The following HMGCLL1 variants were observed in gnomAD, a reference collection of about 807,000 sequenced individuals.
The protein encoded by HMGCLL1 is 3-hydroxy-3-methylglutaryl-CoA lyase like 1.
Under a neutral mutation model 39.1 loss-of-function variants are expected in HMGCLL1, and 36 were observed. The observed-to-expected ratio is 0.92, with a 90% CI of 0.71 to 1.22. The LOEUF (loss-of-function observed/expected upper bound fraction) is 1.22, where lower values mean the gene tolerates loss of function less well. Ranked by LOEUF, HMGCLL1 falls within the 50% of genes most tolerant of loss-of-function variation. The pLI, the probability that HMGCLL1 is intolerant of heterozygous loss-of-function variation, is 0.00. For synonymous variants in HMGCLL1, 149 were observed against 144.0 expected (o/e 1.03, Z -0.25); for missense variants, 451 against 416.5 (o/e 1.08, Z -0.72).
rs188793602 is a variant in HMGCLL1, at chr6:55,464,648, T to A, written c.796-25089A>T. On this transcript the variant is annotated intron_variant, in intron 7 of 8. Transcript: ENST00000274901. The stretch of plus-strand genomic sequence containing the variant: ...CTCCCAAAATTTCCTACAGGTAAAC[T>A]CAAATTCCTACCAGTTTAAGAGATT... Among the ~76,000 whole-genome samples the A allele has an allele frequency of 4.6e-5, 7 of 152,220 alleles. No homozygotes were observed. In the East Asian group the frequency reaches 1.4e-3, roughly 29 times the overall value.
At chr6:55,513,213 A>G (rs1436901780) in intron 5 of HMGCLL1, 2 of 152,160 alleles carry the variant, frequency 1.3e-5, no homozygotes, top group Non-Finnish European at 2.9e-5. Context: ...TAATCTTTCA[A>G]TACAAGTAAC....
At chr6:55,565,889 G>C (rs995654746) in intron 1 of HMGCLL1, among the ~76,000 whole-genome samples, 1 of 151,706 alleles carries the variant, frequency 6.6e-6, no homozygotes, top group Non-Finnish European at 1.5e-5. Context: ...CTAAAACCTA[G>C]GCAAGCAGAG....
intron 3 of HMGCLL1, among the ~76,000 whole-genome samples, chr6:55,523,368 G>A (rs1245527782): frequency 2.0e-5 from 3 of 151,936 alleles, no homozygotes; most frequent in Non-Finnish European, 2.9e-5. Context: ...AAGCTTTACT[G>A]GCAAATTGCT....
chr6:55,615,827 T>C, the HMGCLL1 span, among the ~76,000 whole-genome samples: 1 of 152,060 alleles, frequency 6.6e-6, no homozygotes, highest in African/African-American at 2.4e-5. Context: ...TTTGGGAAAG[T>C]TAAGCTAGAG....
At chr6:55,529,313 G>A (rs77816364) in intron 3 of HMGCLL1, among the ~76,000 whole-genome samples, 2,066 of 152,180 alleles carry the variant, frequency 0.014, 22 homozygotes, top group South Asian at 0.029. Context: ...AAGCAGAAGT[G>A]ATTTTTGAAA....
intron 1 of HMGCLL1, among the ~76,000 whole-genome samples, chr6:55,577,451 C>G (rs1472201010): frequency 6.6e-6 from 1 of 151,998 alleles, no homozygotes; most frequent in Non-Finnish European, 1.5e-5. Context: ...GCTATTATAT[C>G]TTCAGAATGG....
chr6:55,577,705 A>G (rs1353903761), intron 1 of HMGCLL1, among the ~76,000 whole-genome samples: 1 of 152,244 alleles, frequency 6.6e-6, no homozygotes, highest in Non-Finnish European at 1.5e-5. Flanking sequence ...CTTAGGAAAT[A>G]TAAGTTAATG....
chr6:55,451,386 ACTGAGGCGGGTGGATCAC>A (rs962101719), intron 7 of HMGCLL1, among the ~76,000 whole-genome samples: 97 of 151,962 alleles, frequency 6.4e-4, no homozygotes, highest in African/African-American at 2.2e-3. Context: ...ACTTTGGGAG[ACTGAGGCGGGTGGATCAC>A]CTGAGGTCAG....
intron 5 of HMGCLL1, among the ~76,000 whole-genome samples, chr6:55,509,596 G>C (rs1266129646): frequency 6.6e-6 from 1 of 151,808 alleles, no homozygotes; most frequent in East Asian, 1.9e-4. Context: ...CTCAAAGGGG[G>C]AAACAACAGT....
chr6:55,475,658 A>T (rs774251307), intron 7 of HMGCLL1, among the ~76,000 whole-genome samples: 1 of 151,704 alleles, frequency 6.6e-6, no homozygotes, highest in Admixed American at 6.6e-5. Context: ...TAATTGTAAT[A>T]TAGCCTGTTT....
At chr6:55,653,532 C>A in the HMGCLL1 span, among the ~76,000 whole-genome samples, 143,523 of 151,946 alleles carry the variant, frequency 0.94, 67,923 homozygotes, top group Non-Finnish European at 0.97. Context: ...ATATCATAAA[C>A]CAGGACTAGG....
chr6:55,588,029 G>C, the HMGCLL1 span, among the ~76,000 whole-genome samples: 12 of 152,202 alleles, frequency 7.9e-5, no homozygotes, highest in Admixed American at 5.9e-4. Context: ...TCCAGGAATT[G>C]AACTCAGCTC....
the HMGCLL1 span, among the ~76,000 whole-genome samples, chr6:55,645,849 T>C: frequency 2.0e-5 from 3 of 151,896 alleles, no homozygotes; most frequent in Admixed American, 1.3e-4. Context: ...TATTGGTTTG[T>C]AGTTTTTTTT....
At chr6:55,657,598 A>G in the HMGCLL1 span, among the ~76,000 whole-genome samples, 1 of 151,790 alleles carries the variant, frequency 6.6e-6, no homozygotes, top group African/African-American at 2.4e-5. Flanking sequence ...GCTCTATAGT[A>G]TAGTTTGAAG....
At chr6:55,589,580 G>A in the HMGCLL1 span, among the ~76,000 whole-genome samples, 65 of 152,146 alleles carry the variant, frequency 4.3e-4, no homozygotes, top group African/African-American at 1.5e-3. Context: ...GGAAATAAAG[G>A]GTATTCAATT....
At chr6:55,479,416 T>C (rs1765615983) in intron 7 of HMGCLL1, among the ~76,000 whole-genome samples, 1 of 151,612 alleles carries the variant, frequency 6.6e-6, no homozygotes, top group African/African-American at 2.4e-5. Context: ...TCTGAAACTA[T>C]GGGATGTGGT....
chr6:55,518,384 G>T (rs1767860233), intron 3 of HMGCLL1, among the ~76,000 whole-genome samples: 1 of 152,100 alleles, frequency 6.6e-6, no homozygotes, highest in South Asian at 2.1e-4. Context: ...CCTTCACTGT[G>T]GCATTGTTCC....
intron 7 of HMGCLL1, among the ~76,000 whole-genome samples, chr6:55,481,430 A>C (rs1402612404): frequency 2.0e-5 from 3 of 152,078 alleles, no homozygotes; most frequent in Non-Finnish European, 4.4e-5. Context: ...CAAAGAAAGG[A>C]TAAATGCTTG....
chr6:55,663,306 T>C, the HMGCLL1 span, among the ~76,000 whole-genome samples: 1 of 150,082 alleles, frequency 6.7e-6, no homozygotes, highest in Non-Finnish European at 1.5e-5. Flanking sequence ...TTCTAACTTT[T>C]TGATATGTGT....
Sources: gnomAD v4.1 joint callset for allele counts (sites outside exome capture counted in the v4.1 genomes callset) on GRCh38, gnomAD v4.1.1 for gene constraint, MANE v1.5 for transcripts, NCBI Gene and HGNC (gene_info 2026-07-23, HGNC 2026-07-21) for gene names.